Variants in RALGAPA1 observed in about 807,000 individuals in gnomAD.
RALGAPA1 encodes ral GTPase-activating protein subunit alpha-1.
A neutral mutation model predicts 269.6 loss-of-function variants in RALGAPA1; 52 were observed. That is an observed-to-expected ratio of 0.19 (90% CI 0.15 to 0.24). The LOEUF (loss-of-function observed/expected upper bound fraction) is 0.24, where lower values mean the gene tolerates loss of function less well. Among genes scored for constraint, RALGAPA1 ranks in the 10% least tolerant of loss-of-function variants. The pLI is 1.00. For missense variants in RALGAPA1, 1,917 were observed against 3,013.9 expected, an observed-to-expected ratio of 0.64 and a Z score of 8.52; for synonymous variants, 817 against 1,008.3, an observed-to-expected ratio of 0.81 and a Z score of 3.60.
chr14:35,719,769 G>GCCCTCTGTCGCT (rs148689149), intron 16 of RALGAPA1, among the ~76,000 whole-genome samples: 22 of 151,514 alleles, frequency 1.5e-4, no homozygotes, highest in South Asian at 2.1e-4. Context: ...AGACAGAGTC[G>GCCCTCTGTCGCT]CCCTCTGTCG....
chr14:35,796,015 A>G (rs2076540004), intron 1 of RALGAPA1, among the ~76,000 whole-genome samples: 1 of 152,202 alleles, frequency 6.6e-6, no homozygotes, highest in Admixed American at 6.6e-5. Flanking sequence ...AAAATTCAGA[A>G]TATCAGATAG....
intron 37 of RALGAPA1, 88 bp from the exon 38 acceptor site, chr14:35,572,806 C>T (rs531396595): frequency 6.5e-5 from 61 of 935,374 alleles, no homozygotes; most frequent in East Asian, 3.1e-4. Flanking sequence ...AGGGGAAAAA[C>T]GAAATTAAAA....
chr14:35,704,122 G>T (rs1595220354), intron 16 of RALGAPA1, among the ~76,000 whole-genome samples: 1 of 152,032 alleles, frequency 6.6e-6, no homozygotes, highest in African/African-American at 2.4e-5. Context: ...AGAAATACCT[G>T]TTAAAGTCCC....
chr14:35,641,788 C>A (rs1158552729), intron 31 of RALGAPA1, among the ~76,000 whole-genome samples: 1 of 152,024 alleles, frequency 6.6e-6, no homozygotes, highest in Non-Finnish European at 1.5e-5. Flanking sequence ...CCAAAACAGT[C>A]AAAGCTATCC....
chr14:35,756,097 C>T (rs2073141707), intron 7 of RALGAPA1, among the ~76,000 whole-genome samples: 1 of 152,136 alleles, frequency 6.6e-6, no homozygotes, highest in Non-Finnish European at 1.5e-5. Flanking sequence ...CTAAATCAAA[C>T]AATTTTCAGC....
Position 35,808,866 on chromosome 14 carries a change from A to C in RALGAPA1, c.-31T>G. On this transcript the variant is annotated 5_prime_UTR_variant, in exon 1 of 42. Transcript: ENST00000680220. ...CGCTGCCACTGCCACTGCCACTGCC[A>C]CAGCCGGCTCCCAGCCGGGTCCCGG... 1 of 1,596,562 alleles carries C rather than the reference A, an allele frequency of 6.3e-7. No individual in the cohort carries two copies. Among genetic ancestry groups the C allele is most frequent in the Non-Finnish European group, 8.5e-7 (1 of 1,172,328 alleles).
chr14:35,680,956 G>A (rs1050306394), intron 21 of RALGAPA1, among the ~76,000 whole-genome samples: 1 of 152,172 alleles, frequency 6.6e-6, no homozygotes, highest in Middle Eastern at 3.4e-3. Context: ...TTACTTAAGA[G>A]GCTTTTTCCT....
At chr14:35,694,261 G>C (rs539731204) in intron 17 of RALGAPA1, among the ~76,000 whole-genome samples, 6 of 152,156 alleles carry the variant, frequency 3.9e-5, no homozygotes, top group African/African-American at 1.2e-4. Context: ...GGTCAAGCAC[G>C]AACGTTAGCT....
intron 33 of RALGAPA1, among the ~76,000 whole-genome samples, chr14:35,628,935 T>C (rs945336159): frequency 5.3e-5 from 8 of 151,582 alleles, no homozygotes; most frequent in Admixed American, 5.2e-4. Flanking sequence ...AATATAGTAG[T>C]TTAAGAGGCC....
At position 35,599,830 on chromosome 14, in the gene RALGAPA1, A is replaced by C. The variant is rs577000311; in HGVS notation, c.7054-4041T>G. ...TTTTTTCTTTCAGCACCTGGCTCCC[A>C]CAGTTTCTGATAAGAAATTTGCTAT... is the stretch of plus-strand genomic sequence containing the variant. On this transcript the variant is annotated intron_variant, in intron 36 of 41. Coordinates refer to ENST00000680220, the MANE Select transcript of RALGAPA1 (RefSeq NM_001346249.2). 2.9e-3 allele frequency among the ~76,000 whole-genome samples: 340 copies of C among 117,192 alleles called. 1 individual carries two copies. The highest frequency in any genetic ancestry group is 4.5e-3 in the Non-Finnish European group (279 of 61,690). The allele number at this position is 117,192 out of a possible 152,430, so 76.9% of individuals were successfully genotyped here.
At chr14:35,556,806 A>C (rs1409451566) in intron 39 of RALGAPA1, among the ~76,000 whole-genome samples, 1 of 152,190 alleles carries the variant, frequency 6.6e-6, no homozygotes, top group Non-Finnish European at 1.5e-5. Context: ...AATCCATAAC[A>C]GGTGCTAAGG....
At chr14:35,616,940 G>T (rs1287375188) in intron 35 of RALGAPA1, among the ~76,000 whole-genome samples, 1 of 152,094 alleles carries the variant, frequency 6.6e-6, no homozygotes, top group Non-Finnish European at 1.5e-5. Flanking sequence ...AGAACAATCA[G>T]AATTGAGAAC....
At chr14:35,692,561 G>C (rs954211933) in intron 17 of RALGAPA1, among the ~76,000 whole-genome samples, 7 of 148,096 alleles carry the variant, frequency 4.7e-5, no homozygotes, top group African/African-American at 1.7e-4. Flanking sequence ...GCTTAAGAGG[G>C]AAAGAGCTTT....
At chr14:35,728,942 C>T (rs1024336313) in intron 12 of RALGAPA1, among the ~76,000 whole-genome samples, 4 of 152,040 alleles carry the variant, frequency 2.6e-5, no homozygotes, top group Admixed American at 2.6e-4. Flanking sequence ...ACTATACTGG[C>T]CAGGCTGGTC....
At chr14:35,712,622 C>A (rs7145822) in intron 16 of RALGAPA1, among the ~76,000 whole-genome samples, 1 of 152,018 alleles carries the variant, frequency 6.6e-6, no homozygotes, top group Non-Finnish European at 1.5e-5. Flanking sequence ...AATCATCTCA[C>A]CTCATTCTCC....
chr14:35,684,212 C>T (rs1403817299), intron 20 of RALGAPA1, among the ~76,000 whole-genome samples: 2 of 152,132 alleles, frequency 1.3e-5, no homozygotes, highest in African/African-American at 2.4e-5. Flanking sequence ...AATGCATATC[C>T]CAGCTCTTCA....
At position 35,799,999 on chromosome 14, in the gene RALGAPA1, T is replaced by C. The variant is rs150516541; in HGVS notation, c.106+8731A>G. 5.6e-3 allele frequency among the ~76,000 whole-genome samples: 851 copies of C among 152,332 alleles called. 20 individuals carry two copies. The highest frequency in any genetic ancestry group is 0.032 in the Admixed American group (482 of 15,292). On this transcript the variant is annotated intron_variant, in intron 1 of 41. Transcript: ENST00000680220. ...AAGACTATTACCAGGGAGAAAGATA[T>C]CATTTCAAAATGATAAAGAAGTCAA...
rs764995732 is a variant in RALGAPA1, at chr14:35,678,057, G to C, written c.4517C>G (p.Ser1506Ter). The change falls in exon 22 of 42, where the codon TCA (serine) becomes TGA (stop). Residue 1506 changes from serine to a stop codon, truncating the protein, a stop_gained. Transcript: ENST00000680220. LOFTEE classifies it high-confidence loss of function. The stretch of plus-strand genomic sequence containing the variant: ...CAATGTAGAAGGGGAAGGAGTCTGT[G>C]ACCTGGAGCCCAGAGGTGAGTGGAC... Reference protein sequence around the residue: ...SPVHSPLGSRSQTPSPSTLNI... With the variant: ...SPVHSPLGSR 6.2e-7 allele frequency: 1 copy of C among 1,610,304 alleles called. No homozygotes were observed.
intron 16 of RALGAPA1, among the ~76,000 whole-genome samples, chr14:35,705,693 G>A (rs1377764175): frequency 6.6e-6 from 1 of 152,116 alleles, no homozygotes; most frequent in South Asian, 2.1e-4. Flanking sequence ...TGCTATGGCT[G>A]GATCCTACAG....
Sources: gnomAD v4.1 joint callset for allele counts (sites outside exome capture counted in the v4.1 genomes callset) on GRCh38, gnomAD v4.1.1 for gene constraint, MANE v1.5 for transcripts, NCBI Gene and HGNC (gene_info 2026-07-23, HGNC 2026-07-21) for gene names.